The following EGR4 variants were observed in gnomAD, a reference collection of about 807,000 sequenced individuals.
The protein encoded by EGR4 is early growth response protein 4.
A neutral mutation model predicts 25.4 loss-of-function variants in EGR4; 22 were observed. The ratio of observed to expected loss-of-function variants is 0.87; its 90% CI spans 0.62 to 1.24. The LOEUF (loss-of-function observed/expected upper bound fraction) is 1.24. Among genes scored for constraint, EGR4 ranks in the 50% most tolerant of loss-of-function variants. The pLI is 0.00. For synonymous variants in EGR4, 375 were observed against 320.1 expected (o/e 1.17, Z -1.83); for missense variants, 742 against 702.9 (o/e 1.06, Z -0.63).
In EGR4 at chr2:73,291,779, A is replaced by T; in HGVS notation, c.1139T>A (p.Phe380Tyr). 1 of 1,600,330 alleles carries T rather than the reference A, an allele frequency of 6.2e-7. No individual in the cohort carries two copies. The highest frequency in any genetic ancestry group is 8.5e-7 in the Non-Finnish European group (1 of 1,178,968). ...CFCPRPHAKA[F>Y]ACPVESCVRS... ...CACACAACTCTCCACCGGGCAAGCG[A>T]AGGCCTTGGCGTGCGGCCGCGGGCA... The change falls in exon 2 of 2, where the codon TTC becomes TAC. Residue 380 changes from phenylalanine to tyrosine, a missense_variant. Physicochemically the swap from Phe to Tyr is conservative, Grantham distance 22 (BLOSUM62 3). Transcript: ENST00000436467.
Position 73,291,310 on chromosome 2 carries a change from G to A in EGR4, c.*147C>T, listed in dbSNP as rs887212004. 3.1e-5 allele frequency: 35 copies of A among 1,126,194 alleles called. No individual in the cohort carries two copies. The highest frequency in any genetic ancestry group is 6.3e-5 in the African/African-American group (4 of 63,624). The allele number at this position is 1,126,194 out of a possible 1,614,324, so 69.8% of individuals were successfully genotyped here. A position where few individuals can be genotyped will look rare whatever the true frequency, so the allele number is the denominator to read the frequency against. ...AGCTGGTGCTGAATAGGGCGTGTGC[G>A]GCGGGCGCTTCAAGGAAACTGGAAG... On this transcript the variant is annotated 3_prime_UTR_variant, in exon 2 of 2. Transcript: ENST00000436467.
Position 73,292,740 on chromosome 2 carries a change from T to C in EGR4, c.178A>G (p.Ser60Gly). 6.8e-7 allele frequency: 1 copy of C among 1,474,180 alleles called. No individual in the cohort carries two copies. The allele number at this position is 1,474,180 out of a possible 1,614,324, so 91.3% of individuals were successfully genotyped here. A position where few individuals can be genotyped will look rare whatever the true frequency, so the allele number is the denominator to read the frequency against. ...LSWALNSCGASGDLADSCFLE... is the reference protein window; with the variant it reads ...LSWALNSCGAGGDLADSCFLE... ...AAGCAGGAGTCGGCTAAGTCCCCAC[T>C]TGCGCCGCAGCTGTTCAAAGCCCAG... The change falls in exon 2 of 2, where the codon AGT (serine) becomes GGT (glycine). Residue 60 changes from serine (S) to glycine (G), a missense_variant. Physicochemically the swap from Ser to Gly is moderately conservative, Grantham distance 56. Coordinates refer to ENST00000436467, the MANE Select transcript of EGR4 (RefSeq NM_001965.4).
Position 73,291,919 on chromosome 2 carries a change from A to G in EGR4, c.999T>C (p.Pro333=), listed in dbSNP as rs1035416088. 1.2e-5 allele frequency: 19 copies of G among 1,577,932 alleles called. No homozygotes were observed. Among genetic ancestry groups the G allele is most frequent in the South Asian group, 5.7e-5 (5 of 86,990 alleles). The change falls in exon 2 of 2, where the codon CCT becomes CCC. Residue 333 remains proline (P), a synonymous_variant. Coordinates refer to ENST00000436467, the MANE Select transcript of EGR4 (RefSeq NM_001965.4). The part of the protein sequence containing the change: ...DFPKPLVADI[P]GSSGVAAPPV... ...GTGGTGCAGCCACGCCACTGCTTCC[A>G]GGGATGTCCGCCACCAGAGGTTTAG...
In EGR4 at chr2:73,292,820, G is replaced by C. The variant is rs780772005; in HGVS notation, c.137-39C>G. 3 of 1,382,624 alleles carry C rather than the reference G, an allele frequency of 2.2e-6. No individual in the cohort carries two copies. The African/African-American group carries it at 4.5e-5, about 21-fold the overall frequency. The allele number at this position is 1,382,624 out of a possible 1,614,324, so 85.6% of individuals were successfully genotyped here. On this transcript the variant is annotated intron_variant, in intron 1 of 1. Transcript: ENST00000436467. ...AGGAATCAGCTCTGGGCACATCAAA[G>C]GGTGCACCTGAGTCCACAGCCCCTA...
rs1042108415 is a variant in EGR4 at position 73,293,518 on chromosome 2, C to T, written c.-201G>A. On this transcript the variant is annotated 5_prime_UTR_variant, in exon 1 of 2. Coordinates refer to ENST00000436467, the MANE Select transcript of EGR4 (RefSeq NM_001965.4). ...CGCCCGCACCGGCCTCGGGCGGCGG[C>T]TCCTCGCCTCTCCAAAGCGCTGCCG... 2 of 1,499,488 alleles carry T rather than the reference C, an allele frequency of 1.3e-6. No homozygotes were observed. Among genetic ancestry groups the T allele is most frequent in the Non-Finnish European group, 8.9e-7 (1 of 1,129,498 alleles). 92.9% of individuals were successfully genotyped at this position (1,499,488 alleles called of 1,614,324 possible).
rs1337420626 is a variant in EGR4, at chr2:73,293,314, G to A, written c.4C>T (p.Leu2Phe). The A allele has an allele frequency of 1.9e-6, 3 of 1,580,618 alleles. No individual in the cohort carries two copies. Among genetic ancestry groups the A allele is most frequent in the East Asian group, 2.3e-5 (1 of 42,896 alleles). The change falls in exon 1 of 2, where the codon CTC becomes TTC. Residue 2 changes from leucine (L) to phenylalanine (F), a missense_variant. Coordinates refer to ENST00000436467, the MANE Select transcript of EGR4 (RefSeq NM_001965.4). M[L>F]HLSEFSEPDA... ...GGTTCGGAAAACTCGCTAAGGTGGA[G>A]CATGGCGCGGCGCCGGCTGTGGGGC...
At position 73,291,570 on chromosome 2, in the gene EGR4, TGC is replaced by T; in HGVS notation, c.1346_1347del (p.Arg449GlnfsTer3). 6.2e-7 allele frequency: 1 copy of T among 1,613,598 alleles called. No individual in the cohort carries two copies. The highest frequency in any genetic ancestry group is 8.5e-7 in the Non-Finnish European group (1 of 1,179,898). On this transcript the variant is annotated frameshift_variant, in exon 2 of 2. Coordinates refer to ENST00000436467, the MANE Select transcript of EGR4 (RefSeq NM_001965.4). LOFTEE classifies it high-confidence loss of function. The part of the protein sequence containing the change: ...ACDVCGRRFA[R>X]SDEKKRHSKV... ...TTGCTGTGCCGTTTCTTCTCATCGC[TGC>T]GCGCGAAGCGGCGGCCGCACACGTC...
chr2:73,293,395 G>A lies in EGR4; in HGVS notation c.-78C>T. 6.6e-7 allele frequency: 1 copy of A among 1,506,604 alleles called. No homozygotes were observed. 93.3% of individuals were successfully genotyped at this position (1,506,604 alleles called of 1,614,324 possible). ...CGCGCGGGTGGCGGGGAGGCTGGCG[G>A]TAGGGGTTCCCCGCAGCGCACAGAC... On this transcript the variant is annotated 5_prime_UTR_variant, in exon 1 of 2. Transcript: ENST00000436467.
Position 73,293,405 on chromosome 2 carries a change from C to G in EGR4, c.-88G>C, listed in dbSNP as rs1264095460. On this transcript the variant is annotated 5_prime_UTR_variant, in exon 1 of 2. Coordinates refer to ENST00000436467, the MANE Select transcript of EGR4 (RefSeq NM_001965.4). ...GCGGGGAGGCTGGCGGTAGGGGTTCCCCGCAGCGCACAGACCTAGGCGCCC... is the reference window on the plus strand; with the variant it reads ...GCGGGGAGGCTGGCGGTAGGGGTTCGCCGCAGCGCACAGACCTAGGCGCCC... 2.0e-6 allele frequency: 3 copies of G among 1,511,246 alleles called. No homozygotes were observed. The highest frequency in any genetic ancestry group is 2.2e-5 in the Admixed American group (1 of 44,750). 93.6% of individuals were successfully genotyped at this position (1,511,246 alleles called of 1,614,324 possible).
Position 73,291,410 on chromosome 2 carries a change from C to T in EGR4, c.*47G>A. Reference sequence around the variant, plus strand: ...GCGGGGAGGGGAACGGCCCGGAACTCGTGCGCGCCGAACGGCGGCGCCCCA... The same window carrying T: ...GCGGGGAGGGGAACGGCCCGGAACTTGTGCGCGCCGAACGGCGGCGCCCCA... On this transcript the variant is annotated 3_prime_UTR_variant, in exon 2 of 2. Transcript: ENST00000436467. The T allele has an allele frequency of 1.3e-6, 2 of 1,530,384 alleles. No homozygotes were observed. Among genetic ancestry groups the T allele is most frequent in the Non-Finnish European group, 1.8e-6 (2 of 1,140,656 alleles). The allele number at this position is 1,530,384 out of a possible 1,614,324, so 94.8% of individuals were successfully genotyped here.
rs374534321 is a variant in EGR4 at position 73,293,343 on chromosome 2, C to A, written c.-26G>T. The A allele has an allele frequency of 1.7e-5, 26 of 1,547,468 alleles. No individual in the cohort carries two copies. Among genetic ancestry groups the A allele is most frequent in the Non-Finnish European group, 2.3e-5 (26 of 1,148,162 alleles). On this transcript the variant is annotated 5_prime_UTR_variant, in exon 1 of 2. Coordinates refer to ENST00000436467, the MANE Select transcript of EGR4 (RefSeq NM_001965.4). Reference sequence around the variant, plus strand: ...GGCGCGGCGCCGGCTGTGGGGCGCCCGGGGCCTCGCCCGCTGGGCTTGGGG... The same window carrying A: ...GGCGCGGCGCCGGCTGTGGGGCGCCAGGGGCCTCGCCCGCTGGGCTTGGGG...
Position 73,293,198 on chromosome 2 carries a change from G to A in EGR4, c.120C>T (p.Ala40=). 6.5e-7 allele frequency: 1 copy of A among 1,543,724 alleles called. No homozygotes were observed. The highest frequency in any genetic ancestry group is 8.7e-7 in the Non-Finnish European group (1 of 1,144,138). The change falls in exon 1 of 2, where the codon GCC becomes GCT. Residue 40 remains alanine (A), a synonymous_variant. Coordinates refer to ENST00000436467, the MANE Select transcript of EGR4 (RefSeq NM_001965.4). ...PRLPARDAPA[A]TGYPGAGDFL... ...CCTCCTTACCTCCAGGGTAGCCGGT[G>A]GCCGCGGGAGCGTCCCTGGCAGGCA...
In EGR4 at chr2:73,291,516, C is replaced by T; in HGVS notation, c.1402G>A (p.Glu468Lys). 1.2e-6 allele frequency: 2 copies of T among 1,612,716 alleles called. No individual in the cohort carries two copies. The highest frequency in any genetic ancestry group is 1.7e-6 in the Non-Finnish European group (2 of 1,179,318). The change falls in exon 2 of 2, where the codon GAG becomes AAG. Residue 468 changes from glutamate (E) to lysine (K), a missense_variant. Transcript: ENST00000436467. ...KVHLKQKARA[E>K]ERLKGLGFYS... ...AAGCCGAGGCCCTTGAGCCGCTCCTCGGCGCGCGCCTTCTGCTTGAGGTGC... is the reference window on the plus strand; with the variant it reads ...AAGCCGAGGCCCTTGAGCCGCTCCTTGGCGCGCGCCTTCTGCTTGAGGTGC...
rs1395765081 is a variant in EGR4, at chr2:73,291,390, G to A, written c.*67C>T. On this transcript the variant is annotated 3_prime_UTR_variant, in exon 2 of 2. Coordinates refer to ENST00000436467, the MANE Select transcript of EGR4 (RefSeq NM_001965.4). ...GAGGAGGAGTTGGAAGAAGAGCGGG[G>A]AGGGGAACGGCCCGGAACTCGTGCG... The A allele has an allele frequency of 1.1e-5, 16 of 1,516,512 alleles. No homozygotes were observed. The Middle Eastern group carries it at 6.9e-4, about 66-fold the overall frequency. 93.9% of individuals were successfully genotyped at this position (1,516,512 alleles called of 1,614,324 possible).
rs767829076 is a variant in EGR4, at chr2:73,292,271, G to A, written c.647C>T (p.Pro216Leu). Residue 216 changes from proline (P) to leucine (L), a missense_variant, in exon 2 of 2, where the codon CCA becomes CTA. Transcript: ENST00000436467. ...GTCTCCCTGTGACCCACAGTTCCCT[G>A]GGGCCCCCACAGAAAGCAGCTCCCA... Reference protein sequence around the residue: ...APWELLSVGAPGNCGSQGDYQ... With the variant: ...APWELLSVGALGNCGSQGDYQ... 19 of 1,610,674 alleles carry A rather than the reference G, an allele frequency of 1.2e-5. No homozygotes were observed. Among genetic ancestry groups the A allele is most frequent in the Non-Finnish European group, 1.5e-5 (18 of 1,178,018 alleles).
rs778632406 is a variant in EGR4, at chr2:73,291,658, G to A, written c.1260C>T (p.Ser420=). 1.2e-6 allele frequency: 2 copies of A among 1,611,590 alleles called. No homozygotes were observed. Among genetic ancestry groups the A allele is most frequent in the Admixed American group, 1.7e-5 (1 of 60,010 alleles). ...FQCRICLRNF[S]RSDHLTTHVR... ...CGTGCGTGGTGAGGTGGTCGCTGCG[G>A]CTGAAGTTGCGGAGGCAGATGCGGC... The change falls in exon 2 of 2, where the codon AGC becomes AGT. Residue 420 remains serine (S), a synonymous_variant. Transcript: ENST00000436467.
rs1689130079 is a variant in EGR4, at chr2:73,292,444, G to A, written c.474C>T (p.Phe158=). ...DLGAAPFPEA[F]WEASPCAGAP... ...CACCCGCGCAAGGCGAGGCCTCCCA[G>A]AACGCCTCTGGGAAAGGGGCAGCGC... Residue 158 remains phenylalanine (F), a synonymous_variant, in exon 2 of 2, where the codon TTC becomes TTT. Coordinates refer to ENST00000436467, the MANE Select transcript of EGR4 (RefSeq NM_001965.4). 2 of 1,498,600 alleles carry A rather than the reference G, an allele frequency of 1.3e-6. No homozygotes were observed. The highest frequency in any genetic ancestry group is 2.5e-5 in the Admixed American group (1 of 40,012). The allele number at this position is 1,498,600 out of a possible 1,614,324, so 92.8% of individuals were successfully genotyped here.
chr2:73,293,181 C>A lies in EGR4; in HGVS notation c.136+1G>T. The A allele has an allele frequency of 6.6e-7, 1 of 1,521,254 alleles. No homozygotes were observed. The highest frequency in any genetic ancestry group is 8.8e-7 in the Non-Finnish European group (1 of 1,132,652). The allele number at this position is 1,521,254 out of a possible 1,614,324, so 94.2% of individuals were successfully genotyped here. A position where few individuals can be genotyped will look rare whatever the true frequency, so the allele number is the denominator to read the frequency against. ...TGAGCACCCCTGCTCGCCCTCCTTA[C>A]CTCCAGGGTAGCCGGTGGCCGCGGG... On this transcript the variant is annotated splice_donor_variant, in intron 1 of 1. Transcript: ENST00000436467. LOFTEE classifies it high-confidence loss of function.
chr2:73,292,639 T>C lies in EGR4; in HGVS notation c.279A>G (p.Glu93=). ...AGAGTGCCTCCGGGTCGTGCGGGTG[T>C]TCGGGCACTGCCTGAATGAAGAAGC... The part of the protein sequence containing the change: ...SGSFFIQAVP[E]HPHDPEALFN... The change falls in exon 2 of 2, where the codon GAA becomes GAG. Residue 93 remains glutamate (E), a synonymous_variant. Transcript: ENST00000436467. 1 of 1,549,992 alleles carries C rather than the reference T, an allele frequency of 6.5e-7. No homozygotes were observed. Among genetic ancestry groups the C allele is most frequent in the Non-Finnish European group, 8.7e-7 (1 of 1,147,976 alleles).
Sources: allele counts gnomAD v4.1 joint callset, GRCh38; gene constraint gnomAD v4.1.1; transcripts MANE v1.5; gene names NCBI Gene and HGNC (gene_info 2026-07-23, HGNC 2026-07-21).